IKZF1: variants seen among roughly 807,000 people sequenced by gnomAD.
IKZF1 encodes IKAROS family zinc finger 1, also known as DNA-binding protein Ikaros.
A neutral mutation model predicts 51.7 loss-of-function variants in IKZF1; 10 were observed. The observed-to-expected ratio is 0.19, with a 90% confidence interval of 0.12 to 0.33. The LOEUF is 0.33. Among genes scored for constraint, IKZF1 ranks in the 10% least tolerant of loss-of-function variants. The pLI is 1.00. For missense variants in IKZF1, 484 were observed against 707.5 expected (o/e 0.68, Z 3.58); for synonymous variants, 280 against 282.3 (o/e 0.99, Z 0.08).
At chr7:50,392,133 G>A (rs576532527) in intron 7 of IKZF1, among the ~76,000 whole-genome samples, 7 of 152,274 alleles carry the variant, frequency 4.6e-5, no homozygotes, top group Admixed American at 2.0e-4. Flanking sequence ...TCTTAGGGGC[G>A]GCTGCACCAG....
At chr7:50,394,288 G>A (rs73695635) in intron 7 of IKZF1, 7,457 of 232,834 alleles carry the variant, frequency 0.032, 304 homozygotes, top group African/African-American at 0.11. Context: ...CCTTACCCCC[G>A]CTTCAACTTG....
chr7:50,354,869 A>T (rs762017027), intron 3 of IKZF1, among the ~76,000 whole-genome samples: 8 of 152,136 alleles, frequency 5.3e-5, no homozygotes, highest in Non-Finnish European at 1.2e-4. Context: ...AGAAGGGAAG[A>T]TACTCAAGCG....
chr7:50,372,785 T>A (rs1809102950), intron 3 of IKZF1, among the ~76,000 whole-genome samples: 1 of 152,238 alleles, frequency 6.6e-6, no homozygotes, highest in Non-Finnish European at 1.5e-5. Context: ...AAAATTGTAC[T>A]TGGTATCCAC....
intron 7 of IKZF1, among the ~76,000 whole-genome samples, chr7:50,398,137 G>T (rs993889261): frequency 3.3e-5 from 5 of 152,204 alleles, no homozygotes; most frequent in African/African-American, 7.2e-5. Flanking sequence ...CGTGGAAGGT[G>T]TTGGGACCTT....
At chr7:50,386,101 A>G (rs541865695) in intron 5 of IKZF1, among the ~76,000 whole-genome samples, 1 of 152,374 alleles carries the variant, frequency 6.6e-6, no homozygotes, top group Non-Finnish European at 1.5e-5. Context: ...AGATTCTGCT[A>G]TTAGGTTGGA....
chr7:50,343,611 A>G (rs1479523921), intron 3 of IKZF1, among the ~76,000 whole-genome samples: 1 of 152,248 alleles, frequency 6.6e-6, no homozygotes, highest in Admixed American at 6.5e-5. Context: ...GGCTTGTGCC[A>G]GGAGAAGACA....
Position 50,400,873 on chromosome 7 carries a change from T to G in IKZF1, c.*246T>G. On this transcript the variant is annotated 3_prime_UTR_variant, in exon 8 of 8. Transcript: ENST00000331340. This position sits in a 1 kb window ranked among gnomAD's most constrained non-coding sequence, Gnocchi z 5.4. ...CCAGAACTGCTACCTTCCTAGATGTTTCCCCAGACCGCTGGCTGAGATTCC... is the reference window on the plus strand; with the variant it reads ...CCAGAACTGCTACCTTCCTAGATGTGTCCCCAGACCGCTGGCTGAGATTCC... 1 of 541,294 alleles carries G rather than the reference T, an allele frequency of 1.8e-6. No homozygotes were observed. The highest frequency in any genetic ancestry group is 3.2e-6 in the Non-Finnish European group (1 of 309,128). The allele number at this position is 541,294 out of a possible 1,614,324, so 33.5% of individuals were successfully genotyped here. A position where few individuals can be genotyped will look rare whatever the true frequency, so the allele number is the denominator to read the frequency against.
intron 2 of IKZF1, among the ~76,000 whole-genome samples, chr7:50,326,418 A>G (rs955878147): frequency 2.6e-5 from 4 of 152,212 alleles, no homozygotes; most frequent in Admixed American, 6.5e-5. Context: ...ACACGTAGCT[A>G]TACTGCATAA....
chr7:50,332,400 G>A (rs2153397189), intron 3 of IKZF1, among the ~76,000 whole-genome samples: 1 of 152,142 alleles, frequency 6.6e-6, no homozygotes, highest in East Asian at 1.9e-4. Context: ...GGATTCTATT[G>A]ACAAGCCCAC....
chr7:50,336,798 C>T (rs939001992), intron 3 of IKZF1, among the ~76,000 whole-genome samples: 81 of 152,220 alleles, frequency 5.3e-4, no homozygotes, highest in African/African-American at 1.9e-3. Flanking sequence ...TGTCTAGCCA[C>T]GGAACAGTCT....
At chr7:50,367,901 A>G (rs1460122820) in intron 3 of IKZF1, 1 of 606,848 alleles carries the variant, frequency 1.6e-6, no homozygotes, top group African/African-American at 1.9e-5. Context: ...GGTTTTGAGT[A>G]ATAAAACGTT....
rs76112582 is a variant in IKZF1 at position 50,368,205 on chromosome 7, C to A, written c.161-8328C>A. The stretch of plus-strand genomic sequence containing the variant: ...TCTATTCGTTAGACACCTACCATAT[C>A]ATTTTTGGGTATTTATACCATAAAG... On this transcript the variant is annotated intron_variant, in intron 3 of 7. Transcript: ENST00000331340. 7,370 of 703,244 alleles carry A rather than the reference C, an allele frequency of 0.01. 353 individuals are homozygous for A. In the African/African-American group the frequency reaches 0.11, roughly 10 times the overall value. 43.6% of individuals were successfully genotyped at this position (703,244 alleles called of 1,614,324 possible).
chr7:50,346,237 GATC>G (rs2153423882), intron 3 of IKZF1, among the ~76,000 whole-genome samples: 1 of 152,306 alleles, frequency 6.6e-6, no homozygotes, highest in African/African-American at 2.4e-5. Context: ...GCTGTCGAGA[GATC>G]ATCAGGCCCC....
At chr7:50,313,266 T>C (rs1790632845) in intron 1 of IKZF1, among the ~76,000 whole-genome samples, 1 of 152,260 alleles carries the variant, frequency 6.6e-6, no homozygotes, top group South Asian at 2.1e-4. Flanking sequence ...TAAGGCATTT[T>C]AAATAAATTA....
In IKZF1 at chr7:50,403,651, A is replaced by G. The variant is rs1368088349; in HGVS notation, c.*3024A>G. On this transcript the variant is annotated 3_prime_UTR_variant, in exon 8 of 8. Transcript: ENST00000331340. Reference sequence around the variant, plus strand: ...CTAAAACTCATCACATTATCATTGCATATCAGCAAAGGGTAAAGTCCTAGC... The same window carrying G: ...CTAAAACTCATCACATTATCATTGCGTATCAGCAAAGGGTAAAGTCCTAGC... The G allele has an allele frequency of 4.4e-6, 1 of 228,270 alleles. No individual in the cohort carries two copies. The highest frequency in any genetic ancestry group is 8.7e-6 in the Non-Finnish European group (1 of 114,858). The allele number at this position is 228,270 out of a possible 1,614,324, so 14.1% of individuals were successfully genotyped here.
At position 50,382,697 on chromosome 7, in the gene IKZF1, G is replaced by A; in HGVS notation, c.579G>A (p.Arg193=). The A allele has an allele frequency of 6.2e-7, 1 of 1,607,882 alleles. No individual in the cohort carries two copies. The highest frequency in any genetic ancestry group is 8.5e-7 in the Non-Finnish European group (1 of 1,179,540). ...GGGACGCCCTCACTGGCCACCTGAG[G>A]ACGCACTCCGGTAGGTCCCCTGGAT... ...RRRDALTGHL[R]THSVGKPHKC... The change falls in exon 5 of 8, where the codon AGG becomes AGA. Residue 193 remains arginine (R), a synonymous_variant. Transcript: ENST00000331340.
At chr7:50,342,835 A>C (rs1377274791) in intron 3 of IKZF1, among the ~76,000 whole-genome samples, 13 of 152,222 alleles carry the variant, frequency 8.5e-5, no homozygotes, top group African/African-American at 2.9e-4. Flanking sequence ...CCTGCTGCTA[A>C]CCGCTGCTCT....
intron 3 of IKZF1, among the ~76,000 whole-genome samples, chr7:50,373,209 G>A (rs1423871950): frequency 2.0e-5 from 3 of 152,212 alleles, no homozygotes; most frequent in African/African-American, 7.2e-5. Context: ...AGCAGAACCG[G>A]TGTTCCTGAA....
At chr7:50,327,592 C>T in intron 2 of IKZF1, 46 bp from the exon 3 acceptor site, 1 of 1,551,022 alleles carries the variant, frequency 6.4e-7, no homozygotes, top group Non-Finnish European at 8.7e-7. Flanking sequence ...AGCCCAGGCA[C>T]CTTGACCATG....
Sources: allele counts gnomAD v4.1 joint callset (sites outside exome capture counted in the v4.1 genomes callset), GRCh38; gene constraint gnomAD v4.1.1; non-coding constraint Gnocchi (gnomAD v3.1); transcripts MANE v1.5; gene names NCBI Gene and HGNC (gene_info 2026-07-23, HGNC 2026-07-21).